The following GOLM1 variants were observed in gnomAD, a reference collection of about 807,000 sequenced individuals.
GOLM1 encodes epididymis luminal protein 46.
GOLM1 carries 31 observed loss-of-function variants against 50.5 expected under a neutral mutation model. That is an observed-to-expected ratio of 0.61 (90% CI 0.46 to 0.83). The LOEUF (loss-of-function observed/expected upper bound fraction) is 0.83. Ranked by LOEUF, GOLM1 falls within the 40% of genes least tolerant of loss-of-function variation. GOLM1 has a pLI of 0.00. For synonymous variants in GOLM1, 178 were observed against 192.8 expected, an observed-to-expected ratio of 0.92 and a Z score of 0.64; for missense variants, 491 against 501.3, an observed-to-expected ratio of 0.98 and a Z score of 0.20.
chr9:86,038,120 C>T (rs996246226), intron 6 of GOLM1, among the ~76,000 whole-genome samples: 1 of 150,220 alleles, frequency 6.7e-6, no homozygotes, highest in Admixed American at 6.7e-5. Context: ...CGCCATTGCA[C>T]TCCAGCCTGG....
chr9:86,079,251 A>G lies in GOLM1; in HGVS notation c.70T>C (p.Cys24Arg). ...TAGTTGAAGCCCAAGACGATGATGC[A>G]GGCCACCAGGGCGGCCAGCACGAGG... ...PPLVLAALVA[C>R]IIVLGFNYWI... Residue 24 changes from cysteine to arginine, a missense_variant, in exon 2 of 10, where the codon TGC (cysteine) becomes CGC (arginine). Physicochemically the swap from Cys to Arg is radical, Grantham distance 180. Transcript: ENST00000388712. 1.2e-6 allele frequency: 2 copies of G among 1,610,418 alleles called. No individual in the cohort carries two copies. The highest frequency in any genetic ancestry group is 1.1e-5 in the South Asian group (1 of 90,886).
intron 1 of GOLM1, among the ~76,000 whole-genome samples, chr9:86,093,189 G>A (rs1034809316): frequency 2.0e-5 from 3 of 152,082 alleles, no homozygotes; most frequent in Non-Finnish European, 2.9e-5. Context: ...AGGCCAGCCT[G>A]GCCAACATAT....
intron 4 of GOLM1, among the ~76,000 whole-genome samples, chr9:86,048,090 T>A (rs1833614258): frequency 7.0e-6 from 1 of 142,376 alleles, no homozygotes; most frequent in Non-Finnish European, 1.5e-5. Context: ...GTTCTCATTG[T>A]TCAATTTCCA....
rs201379386 is a variant in GOLM1 at position 86,040,005 on chromosome 9, C to CAT, written c.597+732_597+733dup. ...AAAAAGTCAGACACAAAAGGCCACA[C>CAT]ATATATGATTCTATTGACAGGAAAT... On this transcript the variant is annotated intron_variant, in intron 6 of 9. Coordinates refer to ENST00000388712, the MANE Select transcript of GOLM1 (RefSeq NM_016548.4). Among the ~76,000 whole-genome samples the CAT allele has an allele frequency of 5.4e-4, 82 of 150,816 alleles. No individual in the cohort carries two copies. In the East Asian group the frequency reaches 0.015, roughly 28 times the overall value.
At chr9:86,062,100 G>T (rs558943667) in intron 3 of GOLM1, among the ~76,000 whole-genome samples, 33 of 152,312 alleles carry the variant, frequency 2.2e-4, no homozygotes, top group African/African-American at 7.7e-4. Context: ...AATAGCTCCT[G>T]CCAACACATC....
intron 3 of GOLM1, among the ~76,000 whole-genome samples, chr9:86,068,960 A>T (rs1220118504): frequency 6.8e-6 from 1 of 146,860 alleles, no homozygotes; most frequent in Non-Finnish European, 1.5e-5. Flanking sequence ...AGGTACAATA[A>T]GCCAACAATG....
intron 1 of GOLM1, among the ~76,000 whole-genome samples, chr9:86,089,872 T>C (rs994053588): frequency 6.6e-5 from 10 of 152,248 alleles, no homozygotes; most frequent in African/African-American, 2.4e-4. Flanking sequence ...TTTGTGCAGG[T>C]TTTTCCTCAT....
At chr9:86,082,499 A>C (rs1289042783) in intron 1 of GOLM1, among the ~76,000 whole-genome samples, 1 of 151,498 alleles carries the variant, frequency 6.6e-6, no homozygotes, top group African/African-American at 2.4e-5. Flanking sequence ...TCCTGGGCTC[A>C]AGTGATCCTC....
intron 3 of GOLM1, among the ~76,000 whole-genome samples, chr9:86,055,217 G>A (rs1833951198): frequency 6.6e-6 from 1 of 152,150 alleles, no homozygotes; most frequent in East Asian, 1.9e-4. Context: ...AAGTTATGGC[G>A]ATAATACCTG....
intron 2 of GOLM1, chr9:86,077,833 G>A: frequency 2.1e-6 from 1 of 480,852 alleles, no homozygotes; most frequent in Non-Finnish European, 3.7e-6. Flanking sequence ...CTTCCCACTG[G>A]GTTTTTGTGA....
chr9:86,030,871 T>A (rs909089654), intron 9 of GOLM1, among the ~76,000 whole-genome samples: 1 of 152,138 alleles, frequency 6.6e-6, no homozygotes, highest in Admixed American at 6.5e-5. Context: ...GTAAAAAAAA[T>A]GTAAGTATTA....
At position 86,060,896 on chromosome 9, in the gene GOLM1, AAAAAAAAAAAAAAAAAAAG is replaced by A. The variant is rs1425348907; in HGVS notation, c.310-8324_310-8306del. ...TCTCTCAAAAAAAAAAAAAAAAAAA[AAAAAAAAAAAAAAAAAAAG>A]AAGAAGAAGAAGAAGTTACACAACA... On this transcript the variant is annotated intron_variant, in intron 3 of 9. Coordinates refer to ENST00000388712, the MANE Select transcript of GOLM1 (RefSeq NM_016548.4). 2.1e-4 allele frequency among the ~76,000 whole-genome samples: 29 copies of A among 138,846 alleles called. 1 individual carries two copies. The highest frequency in any genetic ancestry group is 7.5e-4 in the African/African-American group (26 of 34,590). The allele number at this position is 138,846 out of a possible 152,430, so 91.1% of individuals were successfully genotyped here.
Position 86,035,383 on chromosome 9 carries a change from C to A in GOLM1, c.1000G>T (p.Glu334Ter). ...TCACACCCACCTTCCCCGGCAGCTTCCTGCTCCTCCTCCTGTCCGTCGGGG... is the reference window on the plus strand; with the variant it reads ...TCACACCCACCTTCCCCGGCAGCTTACTGCTCCTCCTCCTGTCCGTCGGGG... Reference protein sequence around the residue: ...VIPDGQEEEQEAAGEGRNQQK... With the variant: ...VIPDGQEEEQ The change falls in exon 8 of 10, where the codon GAA (glutamate) becomes TAA (stop). Residue 334 changes from glutamate to a stop codon, truncating the protein, a stop_gained. Transcript: ENST00000388712. LOFTEE classifies it high-confidence loss of function. 6.2e-7 allele frequency: 1 copy of A among 1,613,826 alleles called. No individual in the cohort carries two copies. The highest frequency in any genetic ancestry group is 8.5e-7 in the Non-Finnish European group (1 of 1,179,976).
rs115233370 is a variant in GOLM1 at position 86,040,710 on chromosome 9, G to T, written c.597+29C>A. The stretch of plus-strand genomic sequence containing the variant: ...TGCCTGAAGATAGGGGTACCTTCTA[G>T]AAACTCTTGGCAAAAATTCCCCAGT... On this transcript the variant is annotated intron_variant, in intron 6 of 9. Transcript: ENST00000388712. 1.4e-3 allele frequency: 2,305 copies of T among 1,601,478 alleles called. 25 individuals carry two copies. In the African/African-American group the frequency reaches 0.025, roughly 18 times the overall value.
chr9:86,098,864 C>G (rs1445436323), intron 1 of GOLM1, among the ~76,000 whole-genome samples: 1 of 152,158 alleles, frequency 6.6e-6, no homozygotes, highest in African/African-American at 2.4e-5. Context: ...ACCCGGAGCC[C>G]AAGCTCCGGG....
intron 3 of GOLM1, among the ~76,000 whole-genome samples, chr9:86,076,803 A>G (rs1461346976): frequency 6.6e-6 from 1 of 151,578 alleles, no homozygotes; most frequent in Non-Finnish European, 1.5e-5. Flanking sequence ...AGGCAGAGTG[A>G]GCCAAGATTG....
intron 3 of GOLM1, among the ~76,000 whole-genome samples, chr9:86,068,112 T>A (rs1834357890): frequency 6.6e-6 from 1 of 151,894 alleles, no homozygotes; most frequent in Admixed American, 6.6e-5. Context: ...CCAATATGAC[T>A]GGTGTTCTTA....
intron 9 of GOLM1, among the ~76,000 whole-genome samples, chr9:86,028,531 A>AT (rs989813962): frequency 5.5e-4 from 84 of 152,148 alleles, no homozygotes; most frequent in African/African-American, 1.8e-3. Context: ...ACATGATCTG[A>AT]TTTTTTCAGT....
At chr9:86,031,868 G>C (rs866563158) in intron 9 of GOLM1, among the ~76,000 whole-genome samples, 6 of 143,584 alleles carry the variant, frequency 4.2e-5, no homozygotes, top group African/African-American at 1.6e-4. Context: ...CCAGGTTGCA[G>C]TCAGCCAAGA....
Sources: allele counts gnomAD v4.1 joint callset (sites outside exome capture counted in the v4.1 genomes callset), GRCh38; gene constraint gnomAD v4.1.1; transcripts MANE v1.5; gene names NCBI Gene and HGNC (gene_info 2026-07-23, HGNC 2026-07-21).